Variants in CLYBL observed in about 807,000 individuals in gnomAD.
CLYBL encodes citramalyl-CoA lyase.
A neutral mutation model predicts 38.9 loss-of-function variants in CLYBL; 31 were observed. That is an observed-to-expected ratio of 0.80 (90% CI 0.60 to 1.08). The LOEUF (loss-of-function observed/expected upper bound fraction) is 1.08, where lower values mean the gene tolerates loss of function less well. CLYBL is among the 50% of genes least tolerant of loss of function. The probability of loss-of-function intolerance (pLI) is 0.00; values close to 1 mark genes in which losing one functional copy is unlikely to be tolerated. For synonymous variants in CLYBL, 171 were observed against 158.6 expected, an observed-to-expected ratio of 1.08 and a Z score of -0.59; for missense variants, 434 against 411.6, an observed-to-expected ratio of 1.05 and a Z score of -0.47.
At chr13:99,837,452 G>A (rs915019646) in intron 2 of CLYBL, among the ~76,000 whole-genome samples, 4 of 151,886 alleles carry the variant, frequency 2.6e-5, no homozygotes, top group Admixed American at 6.6e-5. Flanking sequence ...ACCCTGTCTC[G>A]AAAATAAAAT....
chr13:99,663,152 A>G (rs544566067), intron 1 of CLYBL, among the ~76,000 whole-genome samples: 1 of 152,358 alleles, frequency 6.6e-6, no homozygotes, highest in Admixed American at 6.5e-5. Context: ...GCTCGTAGTG[A>G]GCTGCTCAGG....
At chr13:99,875,767 T>C (rs1048416569) in intron 7 of CLYBL, among the ~76,000 whole-genome samples, 51 of 152,330 alleles carry the variant, frequency 3.3e-4, no homozygotes, top group African/African-American at 1.2e-3. Flanking sequence ...TCTGGATTTA[T>C]GAGCAGGAAC....
chr13:99,742,893 T>C (rs2048780981), intron 1 of CLYBL, among the ~76,000 whole-genome samples: 1 of 152,188 alleles, frequency 6.6e-6, no homozygotes, highest in Non-Finnish European at 1.5e-5. Context: ...TCCTCCTCCT[T>C]TCCTTCTGTG....
chr13:99,741,201 C>CA (rs1050385364), intron 1 of CLYBL, among the ~76,000 whole-genome samples: 2 of 152,146 alleles, frequency 1.3e-5, no homozygotes, highest in African/African-American at 4.8e-5. Context: ...GGACACAAAA[C>CA]AGATACTTCA....
intron 7 of CLYBL, among the ~76,000 whole-genome samples, chr13:99,883,227 A>G (rs1394045947): frequency 6.6e-6 from 1 of 152,112 alleles, no homozygotes; most frequent in Non-Finnish European, 1.5e-5. Context: ...GCAGCTAATA[A>G]ATAGCAGAAC....
chr13:99,662,098 C>T (rs1315862785), intron 1 of CLYBL, among the ~76,000 whole-genome samples: 1 of 152,152 alleles, frequency 6.6e-6, no homozygotes, highest in Admixed American at 6.6e-5. Context: ...CTTTGTTGAC[C>T]CCCTTGGCTC....
At chr13:99,653,093 GTT>G (rs2047279156) in intron 1 of CLYBL, among the ~76,000 whole-genome samples, 1 of 152,184 alleles carries the variant, frequency 6.6e-6, no homozygotes, top group African/African-American at 2.4e-5. Context: ...AATGTATACT[GTT>G]TGTTGGGAAA....
chr13:99,639,379 A>G (rs889901390), intron 1 of CLYBL, among the ~76,000 whole-genome samples: 3 of 152,066 alleles, frequency 2.0e-5, no homozygotes, highest in African/African-American at 7.3e-5. Flanking sequence ...AGCTAAAATA[A>G]CTCTACTATG....
At chr13:99,784,036 A>T (rs1013746292) in intron 2 of CLYBL, 1 of 152,150 alleles carries the variant, frequency 6.6e-6, no homozygotes, top group Non-Finnish European at 1.5e-5. Context: ...GCATGAACCC[A>T]TATGTATATT....
At chr13:99,686,257 C>T (rs2047816407) in intron 1 of CLYBL, among the ~76,000 whole-genome samples, 1 of 152,176 alleles carries the variant, frequency 6.6e-6, no homozygotes, top group Non-Finnish European at 1.5e-5. Context: ...TATATAGCTG[C>T]TCCATTTGGA....
At chr13:99,692,158 C>T (rs533819185) in intron 1 of CLYBL, among the ~76,000 whole-genome samples, 36 of 152,282 alleles carry the variant, frequency 2.4e-4, no homozygotes, top group Middle Eastern at 3.4e-3. Flanking sequence ...TGCCAGCAGA[C>T]GCATTACATA....
chr13:99,801,239 T>G (rs1028779747), intron 2 of CLYBL, among the ~76,000 whole-genome samples: 4 of 152,270 alleles, frequency 2.6e-5, no homozygotes, highest in Admixed American at 6.5e-5. Flanking sequence ...GACTTTTAAA[T>G]GCAGGCTTAA....
intron 1 of CLYBL, chr13:99,690,821 C>G (rs762618922): frequency 3.9e-5 from 6 of 152,200 alleles, no homozygotes; most frequent in Non-Finnish European, 8.8e-5. Context: ...TCACATACTT[C>G]TGACATTTTC....
intron 1 of CLYBL, among the ~76,000 whole-genome samples, chr13:99,741,537 A>G (rs1196471493): frequency 6.6e-6 from 1 of 151,526 alleles, no homozygotes; most frequent in Non-Finnish European, 1.5e-5. Flanking sequence ...CCATTTGAGC[A>G]TATGTATCTT....
intron 1 of CLYBL, among the ~76,000 whole-genome samples, chr13:99,739,959 G>A (rs564743143): frequency 3.3e-5 from 5 of 151,848 alleles, no homozygotes; most frequent in African/African-American, 9.7e-5. Flanking sequence ...CAAGAAAAGC[G>A]AAACTCCATC....
At chr13:99,754,702 A>T (rs112805944) in intron 1 of CLYBL, among the ~76,000 whole-genome samples, 3 of 149,148 alleles carry the variant, frequency 2.0e-5, no homozygotes, top group African/African-American at 7.4e-5. Flanking sequence ...CTCCTGCCTC[A>T]GCCTCCCAAG....
intron 7 of CLYBL, among the ~76,000 whole-genome samples, chr13:99,888,396 G>GA (rs1346028267): frequency 6.6e-6 from 1 of 152,178 alleles, no homozygotes; most frequent in African/African-American, 2.4e-5. Context: ...ACAGGCCCCA[G>GA]ACTAGGAACT....
intron 1 of CLYBL, among the ~76,000 whole-genome samples, chr13:99,700,707 A>T (rs2048051646): frequency 6.6e-6 from 1 of 152,118 alleles, no homozygotes; most frequent in African/African-American, 2.4e-5. Context: ...CGTTTTGTGG[A>T]TGGAGTGGGC....
At chr13:99,734,843 C>T (rs879773387) in intron 1 of CLYBL, among the ~76,000 whole-genome samples, 1 of 152,082 alleles carries the variant, frequency 6.6e-6, no homozygotes, top group South Asian at 2.1e-4. Flanking sequence ...AAAAGATTTC[C>T]GTTCTTCTCA....
Sources: allele counts gnomAD v4.1 joint callset (sites outside exome capture counted in the v4.1 genomes callset), GRCh38; gene constraint gnomAD v4.1.1; transcripts MANE v1.5; gene names NCBI Gene and HGNC (gene_info 2026-07-23, HGNC 2026-07-21).